Variants in SLC6A7 observed in about 807,000 individuals in gnomAD.
SLC6A7 encodes the protein sodium-dependent proline transporter.
Under a neutral mutation model 73.1 loss-of-function variants are expected in SLC6A7, and 58 were observed. The ratio of observed to expected loss-of-function variants is 0.79; its 90% CI spans 0.64 to 0.99. SLC6A7 has a LOEUF of 0.99. Ranked by LOEUF, SLC6A7 falls within the 50% of genes least tolerant of loss-of-function variation. The pLI is 0.00. For missense variants in SLC6A7, 783 were observed against 831.4 expected, an observed-to-expected ratio of 0.94 and a Z score of 0.72; for synonymous variants, 338 against 338.7, an observed-to-expected ratio of 1.00 and a Z score of 0.02.
At chr5:150,201,255 G>A in intron 6 of SLC6A7, 32 bp downstream of exon 6, 1 of 1,574,018 alleles carries the variant, frequency 6.4e-7, no homozygotes, top group Admixed American at 1.8e-5. Flanking sequence ...GCAGAGGGAG[G>A]GGCCAGGCCT....
chr5:150,193,865 CA>C (rs900435931), intron 1 of SLC6A7, among the ~76,000 whole-genome samples: 5 of 152,230 alleles, frequency 3.3e-5, no homozygotes, highest in African/African-American at 1.2e-4. Flanking sequence ...GCTTTCGCAT[CA>C]GGAAGCCTTG....
In SLC6A7 at chr5:150,203,785, T is replaced by C; in HGVS notation, c.1200+6T>C. On this transcript the variant is annotated splice_donor_region_variant and intron_variant, in intron 9 of 13. Transcript: ENST00000230671. Reference sequence around the variant, plus strand: ...CTCTCGGCCTAGATAGCCAGGTGAGTCTCGTCTGTGGCAGCAGGCACCCCG... The same window carrying C: ...CTCTCGGCCTAGATAGCCAGGTGAGCCTCGTCTGTGGCAGCAGGCACCCCG... The C allele has an allele frequency of 6.4e-7, 1 of 1,567,366 alleles. No homozygotes were observed. The highest frequency in any genetic ancestry group is 8.8e-7 in the Non-Finnish European group (1 of 1,138,576).
At chr5:150,203,621 C>A (rs1463222312) in intron 8 of SLC6A7, 46 bp from the exon 9 acceptor site, 4 of 944,212 alleles carry the variant, frequency 4.2e-6, no homozygotes, top group Admixed American at 1.7e-5. Flanking sequence ...CGTATGGGAG[C>A]CCACCGCATG....
At chr5:150,201,943 A>G (rs1364715481) in intron 6 of SLC6A7, among the ~76,000 whole-genome samples, 1 of 152,188 alleles carries the variant, frequency 6.6e-6, no homozygotes, top group Non-Finnish European at 1.5e-5. Flanking sequence ...TGGCTTGTTC[A>G]GGCTGCACAG....
intron 5 of SLC6A7, among the ~76,000 whole-genome samples, chr5:150,200,733 G>T (rs1474270293): frequency 2.0e-5 from 3 of 152,196 alleles, no homozygotes; most frequent in Non-Finnish European, 4.4e-5. Context: ...GCGGTGGCTG[G>T]AGGTTTGGGA....
At chr5:150,199,544 A>G (rs570582170) in intron 5 of SLC6A7, among the ~76,000 whole-genome samples, 178 bp downstream of exon 5, 8 of 152,224 alleles carry the variant, frequency 5.3e-5, no homozygotes, top group East Asian at 1.9e-4. Flanking sequence ...GGAGGTGAGG[A>G]CGCACGGGGG....
intron 2 of SLC6A7, among the ~76,000 whole-genome samples, chr5:150,196,099 C>T (rs944789863): frequency 2.0e-5 from 3 of 152,150 alleles, no homozygotes; most frequent in Non-Finnish European, 4.4e-5. Context: ...TGGATAGGTG[C>T]CCACGGGGGA....
chr5:150,200,337 A>G (rs954362987), intron 5 of SLC6A7, among the ~76,000 whole-genome samples: 1 of 152,172 alleles, frequency 6.6e-6, no homozygotes, highest in East Asian at 1.9e-4. Context: ...TACTAAAAAT[A>G]CAAAAATTAG....
Position 150,197,081 on chromosome 5 carries a change from C to G in SLC6A7, c.389C>G (p.Ala130Gly), listed in dbSNP as rs776775239. 6.2e-7 allele frequency: 1 copy of G among 1,614,058 alleles called. No homozygotes were observed. The highest frequency in any genetic ancestry group is 1.1e-5 in the South Asian group (1 of 91,082). ...ATGCTGCTCATCGTGGGCTTGGTGG[C>G]CATCTACTACAACATGATCATCGCC... ...AAMLLIVGLVAIYYNMIIAYV... is the reference protein window; with the variant it reads ...AAMLLIVGLVGIYYNMIIAYV... The change falls in exon 4 of 14, where the codon GCC (alanine) becomes GGC (glycine). Residue 130 changes from alanine to glycine, a missense_variant. Physicochemically the swap from Ala to Gly is moderately conservative, Grantham distance 60. Transcript: ENST00000230671.
intron 1 of SLC6A7, 100 bp from the exon 2 acceptor site, chr5:150,194,628 T>A: frequency 1.2e-6 from 1 of 827,356 alleles, no homozygotes; most frequent in Non-Finnish European, 2.0e-6. Context: ...AGAATGTCTT[T>A]TCATTTAGCC....
At chr5:150,198,115 G>GAAAGAGAAAGAAAGAA (rs1224170798) in intron 4 of SLC6A7, among the ~76,000 whole-genome samples, 1 of 77,534 alleles carries the variant, frequency 1.3e-5, no homozygotes. Flanking sequence ...AAGAAAGAAA[G>GAAAGAGAAAGAAAGAA]AGAAAGAAAG....
intron 1 of SLC6A7, among the ~76,000 whole-genome samples, chr5:150,191,297 G>A (rs13436291): frequency 0.06 from 9,120 of 152,230 alleles, 307 homozygotes; most frequent in Middle Eastern, 0.099. Context: ...ACTGTTCTCA[G>A]GGGCTGGTGT....
At chr5:150,208,574 T>C (rs1259942283) in intron 13 of SLC6A7, among the ~76,000 whole-genome samples, 2 of 152,220 alleles carry the variant, frequency 1.3e-5, no homozygotes, top group Non-Finnish European at 2.9e-5. Context: ...TCAACACATC[T>C]TCCTAAGTAT....
At chr5:150,200,168 G>A (rs954603712) in intron 5 of SLC6A7, among the ~76,000 whole-genome samples, 1 of 152,154 alleles carries the variant, frequency 6.6e-6, no homozygotes, top group East Asian at 1.9e-4. Flanking sequence ...TTTAGGTGAT[G>A]AAGGGGTGGA....
At position 150,203,626 on chromosome 5, in the gene SLC6A7, C is replaced by T. The variant is rs1166762808; in HGVS notation, c.1088-41C>T. On this transcript the variant is annotated intron_variant, in intron 8 of 13. Coordinates refer to ENST00000230671, the MANE Select transcript of SLC6A7 (RefSeq NM_014228.5). ...TCTGAGTGTGCGTATGGGAGCCCAC[C>T]GCATGACCCAAGCTGCTGACCCCGT... 1.7e-5 allele frequency: 17 copies of T among 1,012,540 alleles called. No homozygotes were observed. In the East Asian group the frequency reaches 1.9e-4, roughly 11 times the overall value. The allele number at this position is 1,012,540 out of a possible 1,614,324, so 62.7% of individuals were successfully genotyped here. A position where few individuals can be genotyped will look rare whatever the true frequency, so the allele number is the denominator to read the frequency against.
chr5:150,194,462 G>A (rs1385932284), intron 1 of SLC6A7, among the ~76,000 whole-genome samples: 1 of 150,652 alleles, frequency 6.6e-6, no homozygotes, highest in Non-Finnish European at 1.5e-5. Context: ...ACTATCCCTT[G>A]ATTTGGCATC....
intron 13 of SLC6A7, among the ~76,000 whole-genome samples, chr5:150,207,021 A>G (rs1753734748): frequency 6.6e-6 from 1 of 152,228 alleles, no homozygotes; most frequent in South Asian, 2.1e-4. Flanking sequence ...TGCCAGCTTC[A>G]GAGGCCAGGG....
In SLC6A7 at chr5:150,203,771, G is replaced by A; in HGVS notation, c.1192G>A (p.Asp398Asn). The change falls in exon 9 of 14, where the codon GAT becomes AAT. Residue 398 changes from aspartate to asparagine, a missense_variant. Asp to Asn is a conservative substitution (Grantham distance 23, BLOSUM62 1). Coordinates refer to ENST00000230671, the MANE Select transcript of SLC6A7 (RefSeq NM_014228.5). The part of the protein sequence containing the change: ...FFFMLLTLGL[D>N]SQFAFLETIV... Reference sequence around the variant, plus strand: ...CTTCATGCTTCTGACTCTCGGCCTAGATAGCCAGGTGAGTCTCGTCTGTGG... The same window carrying A: ...CTTCATGCTTCTGACTCTCGGCCTAAATAGCCAGGTGAGTCTCGTCTGTGG... 6.3e-7 allele frequency: 1 copy of A among 1,597,400 alleles called. No individual in the cohort carries two copies. The highest frequency in any genetic ancestry group is 2.2e-5 in the East Asian group (1 of 44,772).
chr5:150,208,196 T>TA (rs573490417), intron 13 of SLC6A7, among the ~76,000 whole-genome samples: 43 of 147,910 alleles, frequency 2.9e-4, no homozygotes, highest in Admixed American at 9.4e-4. Flanking sequence ...GTTCTGCACT[T>TA]AAAAAAAAAA....
Sources: gnomAD v4.1 joint callset for allele counts (sites outside exome capture counted in the v4.1 genomes callset) on GRCh38, gnomAD v4.1.1 for gene constraint, MANE v1.5 for transcripts, NCBI Gene and HGNC (gene_info 2026-07-23, HGNC 2026-07-21) for gene names.